Variants in BMAL1 observed in about 807,000 individuals in gnomAD.
BMAL1 encodes basic helix-loop-helix ARNT-like protein 1.
the BMAL1 span, chr11:13,376,760 G>T: frequency 1.2e-6 from 2 of 1,601,318 alleles, no homozygotes; most frequent in African/African-American, 2.7e-5. Context: ...CCTGGGGCTT[G>T]CCCGTGGGAA....
chr11:13,328,070 G>A, the BMAL1 span, among the ~76,000 whole-genome samples: 15 of 152,136 alleles, frequency 9.9e-5, no homozygotes, highest in Non-Finnish European at 1.6e-4. Context: ...TCTGAGATAC[G>A]TATTCACACA....
At chr11:13,367,260 T>G in the BMAL1 span, among the ~76,000 whole-genome samples, 1 of 152,202 alleles carries the variant, frequency 6.6e-6, no homozygotes, top group South Asian at 2.1e-4. Context: ...CTGGCTTTCT[T>G]CTTTTGCAGT....
At chr11:13,372,052 G>A in the BMAL1 span, 4 of 1,428,536 alleles carry the variant, frequency 2.8e-6, no homozygotes, top group African/African-American at 5.7e-5. Context: ...GTGAAGCCTT[G>A]ATTTTTTTTT....
chr11:13,359,023 A>C, the BMAL1 span, among the ~76,000 whole-genome samples: 1 of 152,200 alleles, frequency 6.6e-6, no homozygotes, highest in African/African-American at 2.4e-5. Context: ...TTGAAAAGTG[A>C]GTCATGGGTT....
the BMAL1 span, among the ~76,000 whole-genome samples, chr11:13,361,323 G>A: frequency 1.3e-5 from 2 of 152,104 alleles, no homozygotes; most frequent in Non-Finnish European, 1.5e-5. Context: ...GATTAACTTG[G>A]GAATTGAAGG....
chr11:13,354,208 C>CCCCCCAG, the BMAL1 span: 1 of 985,862 alleles, frequency 1.0e-6, no homozygotes, highest in Middle Eastern at 2.7e-4. Flanking sequence ...CGGCCCCCCA[C>CCCCCCAG]CACCAAACCC....
At chr11:13,328,409 T>C in the BMAL1 span, among the ~76,000 whole-genome samples, 10 of 152,206 alleles carry the variant, frequency 6.6e-5, no homozygotes, top group Non-Finnish European at 1.2e-4. Context: ...ACACTTTAAC[T>C]CTTCGACCTC....
chr11:13,344,064 C>T, the BMAL1 span, among the ~76,000 whole-genome samples: 1 of 152,160 alleles, frequency 6.6e-6, no homozygotes, highest in Non-Finnish European at 1.5e-5. Context: ...ACCTTTGAGA[C>T]TGAAGTACCA....
chr11:13,332,354 A>C, the BMAL1 span, among the ~76,000 whole-genome samples: 2 of 152,158 alleles, frequency 1.3e-5, no homozygotes, highest in Admixed American at 1.3e-4. Flanking sequence ...GGTCACCTAC[A>C]CATATTTGTT....
At chr11:13,337,332 G>A in the BMAL1 span, among the ~76,000 whole-genome samples, 3 of 151,844 alleles carry the variant, frequency 2.0e-5, no homozygotes, top group African/African-American at 2.4e-5. Context: ...GTGTATATAC[G>A]TTTGTACCCT....
the BMAL1 span, among the ~76,000 whole-genome samples, chr11:13,299,703 G>T: frequency 5.9e-5 from 9 of 152,184 alleles, no homozygotes; most frequent in East Asian, 1.5e-3. Context: ...CAGAGCCCAT[G>T]CTCTCAGGCA....
At chr11:13,374,247 G>T in the BMAL1 span, 1 of 1,545,416 alleles carries the variant, frequency 6.5e-7, no homozygotes. Context: ...GTGTCCCCTT[G>T]CTTCTAGACT....
chr11:13,372,216 C>A, the BMAL1 span: 1 of 1,614,132 alleles, frequency 6.2e-7, no homozygotes. Flanking sequence ...GAAAAGCTGG[C>A]CACCCACAAA....
At chr11:13,329,423 C>T in the BMAL1 span, among the ~76,000 whole-genome samples, 3 of 152,216 alleles carry the variant, frequency 2.0e-5, no homozygotes, top group Non-Finnish European at 2.9e-5. Context: ...AGCCATGTCA[C>T]AGGACCTTTT....
chr11:13,355,280 G>A, the BMAL1 span: 4 of 1,613,934 alleles, frequency 2.5e-6, no homozygotes, highest in Admixed American at 1.7e-5. Flanking sequence ...CCCACTAGGA[G>A]ATGCTATGAT....
the BMAL1 span, among the ~76,000 whole-genome samples, chr11:13,314,417 T>C: frequency 6.6e-6 from 1 of 152,214 alleles, no homozygotes; most frequent in South Asian, 2.1e-4. Context: ...GGAGGTTCAT[T>C]GGCCATTGGG....
chr11:13,342,233 C>A, the BMAL1 span, among the ~76,000 whole-genome samples: 1 of 152,178 alleles, frequency 6.6e-6, no homozygotes, highest in Admixed American at 6.5e-5. Context: ...GGGCAGAGGA[C>A]AGTGCCAGGC....
the BMAL1 span, chr11:13,355,376 A>G: frequency 1.5e-6 from 2 of 1,355,506 alleles, no homozygotes; most frequent in South Asian, 1.2e-5. Flanking sequence ...GCGTTCTTCC[A>G]TAGCAGTAAC....
chr11:13,287,513 G>C, the BMAL1 span, among the ~76,000 whole-genome samples: 1 of 152,220 alleles, frequency 6.6e-6, no homozygotes, highest in African/African-American at 2.4e-5. Flanking sequence ...TGTCTGTACA[G>C]AAAAGTCTCT....
Sources: gnomAD v4.1 joint callset for allele counts (sites outside exome capture counted in the v4.1 genomes callset) on GRCh38, gnomAD v4.1.1 for gene constraint, MANE v1.5 for transcripts, NCBI Gene and HGNC (gene_info 2026-07-23, HGNC 2026-07-21) for gene names.